Variants in STARD13 observed in about 807,000 individuals in gnomAD.
STARD13 encodes the protein StAR related lipid transfer domain containing 13.
A neutral mutation model predicts 106.4 loss-of-function variants in STARD13; 62 were observed. The ratio of observed to expected loss-of-function variants is 0.58; its 90% confidence interval spans 0.48 to 0.72. The LOEUF (loss-of-function observed/expected upper bound fraction) is 0.72, where lower values mean the gene tolerates loss of function less well. Ranked by LOEUF, STARD13 falls within the 30% of genes least tolerant of loss-of-function variation. STARD13 has a pLI of 0.00. For missense variants in STARD13, 1,387 were observed against 1,424.0 expected (o/e 0.97, Z 0.42); for synonymous variants, 565 against 553.0 (o/e 1.02, Z -0.31).
the STARD13 span, among the ~76,000 whole-genome samples, chr13:33,497,463 C>T: frequency 2.6e-5 from 4 of 152,076 alleles, no homozygotes; most frequent in African/African-American, 9.7e-5. Flanking sequence ...GAAAGGTTTT[C>T]CAAGATCATA....
intron 1 of STARD13, chr13:33,205,758 A>T (rs559278603): frequency 1.5e-6 from 1 of 681,278 alleles, no homozygotes. Context: ...CAATCTACAT[A>T]GGAAGTAACT....
intron 1 of STARD13, among the ~76,000 whole-genome samples, chr13:33,298,461 A>G (rs1410520341): frequency 6.6e-6 from 1 of 151,780 alleles, no homozygotes; most frequent in Non-Finnish European, 1.5e-5. Context: ...ATGCCACAGA[A>G]CGTTCAGCTT....
the STARD13 span, among the ~76,000 whole-genome samples, chr13:33,401,711 T>C: frequency 6.6e-6 from 1 of 152,200 alleles, no homozygotes; most frequent in Non-Finnish European, 1.5e-5. Flanking sequence ...TTTTCCCCAA[T>C]AAAATCCTTG....
At chr13:33,275,707 C>T (rs1395565001) in intron 1 of STARD13, 4 of 152,216 alleles carry the variant, frequency 2.6e-5, no homozygotes. Flanking sequence ...TATCTGTAAT[C>T]ACAGGGCTAT....
the STARD13 span, among the ~76,000 whole-genome samples, chr13:33,560,232 A>G: frequency 1.3e-5 from 2 of 151,734 alleles, no homozygotes; most frequent in East Asian, 1.9e-4. Context: ...TATTAGTGCA[A>G]CATTAGTTCT....
chr13:33,517,201 A>C, the STARD13 span, among the ~76,000 whole-genome samples: 2 of 151,844 alleles, frequency 1.3e-5, no homozygotes, highest in African/African-American at 4.8e-5. Context: ...TGTTCCCCCC[A>C]CCCTATTCAA....
At chr13:33,403,830 G>A in the STARD13 span, among the ~76,000 whole-genome samples, 1 of 151,936 alleles carries the variant, frequency 6.6e-6, no homozygotes, top group Non-Finnish European at 1.5e-5. Context: ...TTCCACAATG[G>A]CAATCAAAAT....
chr13:33,321,437 C>T (rs1431370701), intron 1 of STARD13, among the ~76,000 whole-genome samples: 3 of 150,476 alleles, frequency 2.0e-5, no homozygotes, highest in Non-Finnish European at 2.9e-5. Flanking sequence ...ACCTGGGAGA[C>T]GGAGGTTGCA....
chr13:33,271,070 A>C (rs933162327), intron 1 of STARD13, among the ~76,000 whole-genome samples: 3 of 152,188 alleles, frequency 2.0e-5, no homozygotes, highest in Admixed American at 6.5e-5. Flanking sequence ...AAAATTTCAC[A>C]AACACCAGAA....
At chr13:33,468,882 C>T in the STARD13 span, among the ~76,000 whole-genome samples, 12 of 152,098 alleles carry the variant, frequency 7.9e-5, no homozygotes, top group Admixed American at 7.9e-4. Flanking sequence ...GCCTTCTCTG[C>T]CTTCTCCTTC....
the STARD13 span, among the ~76,000 whole-genome samples, chr13:33,430,403 A>G: frequency 6.6e-6 from 1 of 152,182 alleles, no homozygotes; most frequent in Admixed American, 6.5e-5. Context: ...ATTAGAATAC[A>G]TTTTTAAAAG....
the STARD13 span, among the ~76,000 whole-genome samples, chr13:33,636,189 T>C: frequency 7.0e-6 from 1 of 142,854 alleles, no homozygotes; most frequent in Admixed American, 6.9e-5. Flanking sequence ...GCAGAGATCA[T>C]CACTCATAGT....
At position 33,240,144 on chromosome 13, in the gene STARD13, G is replaced by A. The variant is rs973590746; in HGVS notation, c.169+45326C>T. ...TTTCCCATTTATTGAGGAGACTGTC[G>A]TTTTCTCATTATGTAGTCTTGATGA... On this transcript the variant is annotated intron_variant, in intron 1 of 13. Transcript: ENST00000336934. 1.1e-4 allele frequency among the ~76,000 whole-genome samples: 17 copies of A among 152,082 alleles called. No homozygotes were observed. The East Asian group carries it at 1.2e-3, about 10-fold the overall frequency.
the STARD13 span, among the ~76,000 whole-genome samples, chr13:33,648,171 G>A: frequency 2.4e-4 from 36 of 152,290 alleles, 1 homozygote; most frequent in Non-Finnish European, 1.5e-5. Flanking sequence ...TATTATCTCT[G>A]ACAAAATACA....
intron 1 of STARD13, among the ~76,000 whole-genome samples, chr13:33,320,242 T>A (rs754193020): frequency 6.6e-6 from 1 of 152,186 alleles, no homozygotes; most frequent in Non-Finnish European, 1.5e-5. Flanking sequence ...AACAGGAGAA[T>A]ACAGAGTTGG....
At chr13:33,424,716 G>A in the STARD13 span, among the ~76,000 whole-genome samples, 5 of 152,130 alleles carry the variant, frequency 3.3e-5, no homozygotes, top group Admixed American at 1.3e-4. Flanking sequence ...ATTTCATCCT[G>A]TGGGTAATGA....
At chr13:33,481,983 GAAA>G in the STARD13 span, among the ~76,000 whole-genome samples, 2 of 93,068 alleles carry the variant, frequency 2.1e-5, no homozygotes, top group African/African-American at 4.0e-5. Flanking sequence ...ACTCCGTCTC[GAAA>G]AAAAAAAAAA....
At chr13:33,202,862 C>T (rs1887141741) in intron 1 of STARD13, among the ~76,000 whole-genome samples, 1 of 152,026 alleles carries the variant, frequency 6.6e-6, no homozygotes, top group Non-Finnish European at 1.5e-5. Context: ...TCGCTCACTT[C>T]CTCTTTCTGA....
At chr13:33,535,401 T>C in the STARD13 span, among the ~76,000 whole-genome samples, 2 of 152,218 alleles carry the variant, frequency 1.3e-5, no homozygotes, top group African/African-American at 4.8e-5. Context: ...TCTTGAACTA[T>C]AACAATTTCA....
Sources: gnomAD v4.1 joint callset for allele counts (sites outside exome capture counted in the v4.1 genomes callset) on GRCh38, gnomAD v4.1.1 for gene constraint, MANE v1.5 for transcripts, NCBI Gene and HGNC (gene_info 2026-07-23, HGNC 2026-07-21) for gene names.